The following AGO3 variants were observed in gnomAD, a reference collection of about 807,000 sequenced individuals.
AGO3 encodes the protein protein argonaute-3.
In AGO3, 16 loss-of-function variants were observed where a neutral mutation model predicts 105.5. That is an observed-to-expected ratio of 0.15 (90% confidence interval 0.10 to 0.23). The LOEUF is 0.23. Among genes scored for constraint, AGO3 ranks in the 10% least tolerant of loss-of-function variants. The pLI, the probability that AGO3 is intolerant of heterozygous loss-of-function variation, is 1.00. For missense variants in AGO3, 534 were observed against 1,088.0 expected, an observed-to-expected ratio of 0.49 and a Z score of 7.16; for synonymous variants, 340 against 367.3, an observed-to-expected ratio of 0.93 and a Z score of 0.85.
chr1:35,992,523 A>T (rs1346397874), intron 5 of AGO3, among the ~76,000 whole-genome samples: 2 of 151,930 alleles, frequency 1.3e-5, no homozygotes, highest in Non-Finnish European at 2.9e-5. Context: ...ATTTTTTTTT[A>T]AATTCATAGT....
intron 5 of AGO3, among the ~76,000 whole-genome samples, chr1:35,995,208 A>AT (rs1557672167): frequency 0.028 from 3,321 of 119,564 alleles, 55 homozygotes; most frequent in South Asian, 0.038. Flanking sequence ...CTAAAAAAAA[A>AT]AATATATATA....
chr1:36,056,011 C>T lies in AGO3; in HGVS notation c.*266C>T. 3.5e-6 allele frequency: 1 copy of T among 289,494 alleles called. No individual in the cohort carries two copies. The highest frequency in any genetic ancestry group is 6.4e-6 in the Non-Finnish European group (1 of 155,408). 17.9% of individuals were successfully genotyped at this position (289,494 alleles called of 1,614,324 possible). ...TATCGCAATTGTTTTGTTTTCATTT[C>T]TTGTAGTCTAACCCTTTTAATGCCT... On this transcript the variant is annotated 3_prime_UTR_variant, in exon 19 of 19. Coordinates refer to ENST00000373191, the MANE Select transcript of AGO3 (RefSeq NM_024852.4).
intron 5 of AGO3, among the ~76,000 whole-genome samples, chr1:36,002,146 A>G (rs1189115107): frequency 6.6e-6 from 1 of 151,860 alleles, no homozygotes; most frequent in Non-Finnish European, 1.5e-5. Flanking sequence ...TAGCCTTCTG[A>G]GTAGCTGGGA....
intron 17 of AGO3, among the ~76,000 whole-genome samples, chr1:36,049,764 A>G (rs774896472): frequency 6.6e-6 from 1 of 152,160 alleles, no homozygotes; most frequent in Non-Finnish European, 1.5e-5. Context: ...GAGTAGCTGT[A>G]TTTAAGTTAG....
intron 11 of AGO3, among the ~76,000 whole-genome samples, chr1:36,015,337 G>T (rs1010804056): frequency 3.9e-5 from 6 of 152,176 alleles, no homozygotes; most frequent in African/African-American, 1.4e-4. Context: ...CACCCTCCAG[G>T]AACCTTTGTG....
At chr1:35,990,310 C>A (rs1647506149) in intron 5 of AGO3, among the ~76,000 whole-genome samples, 2 of 152,050 alleles carry the variant, frequency 1.3e-5, no homozygotes, top group South Asian at 4.1e-4. Context: ...AGATCAAGAC[C>A]ATCCTGGCTA....
chr1:35,968,308 C>T (rs564391214), intron 3 of AGO3, among the ~76,000 whole-genome samples: 1 of 152,050 alleles, frequency 6.6e-6, no homozygotes, highest in Non-Finnish European at 1.5e-5. Flanking sequence ...CCGTCTTAAC[C>T]ATTTTTAAGG....
At chr1:35,971,889 A>G (rs1646877179) in intron 3 of AGO3, 135 bp from the exon 4 acceptor site, 5 of 808,536 alleles carry the variant, frequency 6.2e-6, no homozygotes, top group Non-Finnish European at 9.6e-6. Flanking sequence ...TTTATCTACA[A>G]AAAAAAATGG....
rs1643124755 is a variant in AGO3 at position 36,068,688 on chromosome 1, A to G, written c.*12943A>G. On this transcript the variant is annotated 3_prime_UTR_variant, in exon 19 of 19. Coordinates refer to ENST00000373191, the MANE Select transcript of AGO3 (RefSeq NM_024852.4). Reference sequence around the variant, plus strand: ...TGGCTTCTAAAATATGTAAAAAATTATATTGAATGAATTAATACTTAACCT... The same window carrying G: ...TGGCTTCTAAAATATGTAAAAAATTGTATTGAATGAATTAATACTTAACCT... 1 of 152,214 alleles carries G rather than the reference A, an allele frequency of 6.6e-6. No homozygotes were observed. Among genetic ancestry groups the G allele is most frequent in the Non-Finnish European group, 1.5e-5 (1 of 68,040 alleles). The allele number at this position is 152,214 out of a possible 1,614,324, so 9.4% of individuals were successfully genotyped here.
At chr1:36,035,586 T>G (rs1382426211) in intron 13 of AGO3, among the ~76,000 whole-genome samples, 1 of 152,154 alleles carries the variant, frequency 6.6e-6, no homozygotes, top group African/African-American at 2.4e-5. Flanking sequence ...GTTTAAAATA[T>G]AAGTCTTTTT....
At chr1:36,003,694 CAAAA>C (rs1209511459) in intron 5 of AGO3, among the ~76,000 whole-genome samples, 2 of 53,482 alleles carry the variant, frequency 3.7e-5, no homozygotes, top group South Asian at 7.6e-4. Context: ...AAGTCTGTCT[CAAAA>C]AAAAAAAAAA....
chr1:36,050,240 C>T (rs1333384372), intron 17 of AGO3, among the ~76,000 whole-genome samples: 1 of 152,100 alleles, frequency 6.6e-6, no homozygotes, highest in African/African-American at 2.4e-5. Flanking sequence ...AATCCCAGTA[C>T]TTTGGGAGGC....
chr1:36,038,573 G>A (rs2148847805), intron 14 of AGO3, among the ~76,000 whole-genome samples: 1 of 151,964 alleles, frequency 6.6e-6, no homozygotes, highest in Middle Eastern at 3.4e-3. Context: ...TTCTTAAGTA[G>A]CGAGATACCT....
In AGO3 at chr1:36,061,922, G is replaced by A. The variant is rs982719120; in HGVS notation, c.*6177G>A. On this transcript the variant is annotated 3_prime_UTR_variant, in exon 19 of 19. Coordinates refer to ENST00000373191, the MANE Select transcript of AGO3 (RefSeq NM_024852.4). ...TTGAATCTCGTCCAAGGGAACCAAG[G>A]AAAGCTTTTATGCAGTAAAGTATCT... 2.6e-5 allele frequency: 4 copies of A among 152,092 alleles called. No individual in the cohort carries two copies. Among genetic ancestry groups the A allele is most frequent in the African/African-American group, 7.2e-5 (3 of 41,398 alleles). 9.4% of individuals were successfully genotyped at this position (152,092 alleles called of 1,614,324 possible). A position where few individuals can be genotyped will look rare whatever the true frequency, so the allele number is the denominator to read the frequency against.
chr1:36,028,608 G>A (rs534759393), intron 12 of AGO3, among the ~76,000 whole-genome samples: 1 of 151,866 alleles, frequency 6.6e-6, no homozygotes, highest in Admixed American at 6.6e-5. Flanking sequence ...GTATTCCATG[G>A]TGTATATGTG....
At chr1:36,014,454 G>A (rs1033302626) in intron 11 of AGO3, among the ~76,000 whole-genome samples, 2 of 151,052 alleles carry the variant, frequency 1.3e-5, no homozygotes, top group African/African-American at 4.9e-5. Flanking sequence ...CACTGTGCCC[G>A]GCCTAGTCAC....
intron 2 of AGO3, among the ~76,000 whole-genome samples, chr1:35,965,814 A>G (rs991370812): frequency 1.2e-4 from 17 of 143,100 alleles, no homozygotes; most frequent in Non-Finnish European, 2.3e-4. Flanking sequence ...GTAGACTTGA[A>G]TCTCTCTTTT....
chr1:35,935,978 A>G (rs1188803755), intron 1 of AGO3, among the ~76,000 whole-genome samples: 1 of 152,228 alleles, frequency 6.6e-6, no homozygotes, highest in Non-Finnish European at 1.5e-5. Flanking sequence ...TTTATTTAAG[A>G]TCAGTATCCT....
intron 2 of AGO3, among the ~76,000 whole-genome samples, chr1:35,953,451 T>C (rs766929081): frequency 1.1e-4 from 16 of 152,196 alleles, no homozygotes; most frequent in Non-Finnish European, 2.2e-4. Flanking sequence ...TGATGACGGA[T>C]GTTGAACATT....
Sources: allele counts gnomAD v4.1 joint callset (sites outside exome capture counted in the v4.1 genomes callset), GRCh38; gene constraint gnomAD v4.1.1; transcripts MANE v1.5; gene names NCBI Gene and HGNC (gene_info 2026-07-23, HGNC 2026-07-21).